TCF12: variants seen among roughly 807,000 people sequenced by gnomAD.
TCF12 encodes transcription factor 12.
In TCF12, 45 loss-of-function variants were observed where a neutral mutation model predicts 86.0. The ratio of observed to expected loss-of-function variants is 0.52; its 90% CI spans 0.41 to 0.67. The LOEUF is 0.67. TCF12 is among the 30% of genes least tolerant of loss of function. The pLI is 0.00. For missense variants in TCF12, 881 were observed against 859.9 expected, an observed-to-expected ratio of 1.02 and a Z score of -0.31; for synonymous variants, 330 against 299.6, an observed-to-expected ratio of 1.10 and a Z score of -1.05.
At chr15:57,134,733 A>G (rs2052393879) in intron 5 of TCF12, among the ~76,000 whole-genome samples, 1 of 152,206 alleles carries the variant, frequency 6.6e-6, no homozygotes. Context: ...ATTTGCTCAT[A>G]CCATGGAAAA....
At chr15:56,929,754 T>C (rs972352238) in intron 3 of TCF12, among the ~76,000 whole-genome samples, 6 of 152,166 alleles carry the variant, frequency 3.9e-5, no homozygotes, top group Non-Finnish European at 7.4e-5. Context: ...TACCTTTTTT[T>C]CCCTTAAAAA....
At chr15:57,134,170 G>C (rs1354763188) in intron 5 of TCF12, 1 of 152,084 alleles carries the variant, frequency 6.6e-6, no homozygotes, top group African/African-American at 2.4e-5. Context: ...CTTAATCTTA[G>C]TCCTTTTTCA....
chr15:57,210,103 T>A (rs976100477), intron 8 of TCF12, among the ~76,000 whole-genome samples: 2 of 152,156 alleles, frequency 1.3e-5, no homozygotes, highest in Admixed American at 6.6e-5. Flanking sequence ...ATGGCCTAAT[T>A]CGTTTATTCT....
chr15:57,142,121 A>G (rs2151411711), intron 5 of TCF12, among the ~76,000 whole-genome samples: 1 of 152,322 alleles, frequency 6.6e-6, no homozygotes, highest in East Asian at 1.9e-4. Context: ...AGGGTGCAGG[A>G]TGCAGCAGCA....
chr15:57,174,370 T>C (rs1489751633), intron 6 of TCF12, among the ~76,000 whole-genome samples: 1 of 152,238 alleles, frequency 6.6e-6, no homozygotes, highest in Admixed American at 6.5e-5. Context: ...TGAATACTCA[T>C]GATAAAATCT....
chr15:57,097,704 T>G (rs2049426743), intron 5 of TCF12, among the ~76,000 whole-genome samples: 2 of 152,152 alleles, frequency 1.3e-5, no homozygotes, highest in South Asian at 4.1e-4. Context: ...CTAAATTTCA[T>G]GAAAGAATAT....
chr15:57,150,873 C>CCCTTCCTT (rs374734642), intron 5 of TCF12, among the ~76,000 whole-genome samples: 419 of 40,608 alleles, frequency 0.01, 7 homozygotes, highest in Middle Eastern at 0.033. Context: ...CCCCCTCTGT[C>CCCTTCCTT]CCTTCCTTCC....
chr15:56,927,923 T>C (rs1030634767), intron 3 of TCF12, among the ~76,000 whole-genome samples: 1 of 152,192 alleles, frequency 6.6e-6, no homozygotes, highest in South Asian at 2.1e-4. Flanking sequence ...AGCACATTTG[T>C]GCTTGTATAC....
chr15:56,972,140 A>G (rs1595910630), intron 3 of TCF12, among the ~76,000 whole-genome samples: 2 of 152,334 alleles, frequency 1.3e-5, no homozygotes, highest in Non-Finnish European at 2.9e-5. Flanking sequence ...TTATGGCTCA[A>G]AACGTTTTTC....
At chr15:57,135,009 T>A (rs191355502) in intron 5 of TCF12, among the ~76,000 whole-genome samples, 29 of 152,248 alleles carry the variant, frequency 1.9e-4, no homozygotes, top group Non-Finnish European at 3.8e-4. Flanking sequence ...TTTATGTCAG[T>A]TTTTTGGATG....
intron 6 of TCF12, among the ~76,000 whole-genome samples, chr15:57,168,147 A>T (rs1485180325): frequency 3.3e-5 from 5 of 151,290 alleles, no homozygotes; most frequent in African/African-American, 9.7e-5. Flanking sequence ...TTGCATCTCT[A>T]AAAAAAAATA....
chr15:57,145,990 T>A (rs528749228), intron 5 of TCF12, among the ~76,000 whole-genome samples: 1 of 152,364 alleles, frequency 6.6e-6, no homozygotes, highest in South Asian at 2.1e-4. Flanking sequence ...CTTCATGGCC[T>A]TGCCTCTGAT....
In TCF12 at chr15:57,254,684, C is replaced by T. The variant is rs2060263610; in HGVS notation, c.1467+1216C>T. ...AGTCTGGGCAACAAAGTGAGACCCT[C>T]ATCTCTACAAAAAATAAAAAAAAAT... On this transcript the variant is annotated intron_variant, in intron 16 of 20. Coordinates refer to ENST00000333725, the MANE Select transcript of TCF12 (RefSeq NM_207037.2). Among the ~76,000 whole-genome samples the T allele has an allele frequency of 2.6e-5, 4 of 151,608 alleles. No homozygotes were observed. In the South Asian group the frequency reaches 8.3e-4, roughly 32 times the overall value.
rs756737565 is a variant in TCF12 at position 57,197,791 on chromosome 15, A to G, written c.545A>G (p.Lys182Arg). 6.2e-7 allele frequency: 1 copy of G among 1,614,098 alleles called. No homozygotes were observed. Among genetic ancestry groups the G allele is most frequent in the East Asian group, 2.2e-5 (1 of 44,860 alleles). ...SAALDPLQAK[K>R]VRKVPPGLPS... The stretch of plus-strand genomic sequence containing the variant: ...TCTGCAGATCCCTTGCAAGCAAAAA[A>G]AGTCAGAAAGGTGCCTCCTGGTTTG... Residue 182 changes from lysine to arginine, a missense_variant, in exon 8 of 21, where the codon AAA becomes AGA. Coordinates refer to ENST00000333725, the MANE Select transcript of TCF12 (RefSeq NM_207037.2).
chr15:57,042,478 G>C (rs1465030998), intron 3 of TCF12, among the ~76,000 whole-genome samples: 2 of 152,200 alleles, frequency 1.3e-5, no homozygotes, highest in East Asian at 3.8e-4. Context: ...GTGTGCCACA[G>C]TCATTGCTCA....
chr15:56,950,034 T>A (rs576456321), intron 3 of TCF12, among the ~76,000 whole-genome samples: 2 of 152,302 alleles, frequency 1.3e-5, no homozygotes, highest in African/African-American at 4.8e-5. Context: ...ATATTTAGTG[T>A]AAACTTTAAA....
chr15:57,081,799 C>T (rs1260280600), intron 4 of TCF12, among the ~76,000 whole-genome samples: 1 of 152,090 alleles, frequency 6.6e-6, no homozygotes, highest in African/African-American at 2.4e-5. Context: ...GAACTCCTGA[C>T]CTCAAGTGAT....
chr15:57,097,185 C>T (rs544550036), intron 5 of TCF12, among the ~76,000 whole-genome samples: 1 of 152,146 alleles, frequency 6.6e-6, no homozygotes, highest in East Asian at 1.9e-4. Flanking sequence ...CCTAGAGTTA[C>T]AAAATATGTA....
At chr15:57,128,159 TAGTA>T (rs1331832262) in intron 5 of TCF12, among the ~76,000 whole-genome samples, 4 of 152,208 alleles carry the variant, frequency 2.6e-5, no homozygotes, top group Admixed American at 6.5e-5. Flanking sequence ...TGTGGGCTGT[TAGTA>T]AGTCCATTTT....
Sources: gnomAD v4.1 joint callset for allele counts (sites outside exome capture counted in the v4.1 genomes callset) on GRCh38, gnomAD v4.1.1 for gene constraint, MANE v1.5 for transcripts, NCBI Gene and HGNC (gene_info 2026-07-23, HGNC 2026-07-21) for gene names.